CASZ1: variants seen among roughly 807,000 people sequenced by gnomAD.
The protein encoded by CASZ1 is castor zinc finger 1.
CASZ1 carries 28 observed loss-of-function variants against 135.2 expected under a neutral mutation model. That is an observed-to-expected ratio of 0.21 (90% CI 0.15 to 0.28). CASZ1 has a LOEUF of 0.28. Ranked by LOEUF, CASZ1 falls within the 10% of genes least tolerant of loss-of-function variation. The pLI is 1.00. For synonymous variants in CASZ1, 1,068 were observed against 1,073.4 expected (o/e 0.99, Z 0.10); for missense variants, 2,161 against 2,453.3 (o/e 0.88, Z 2.52).
At chr1:10,667,804 G>A (rs55957723) in intron 4 of CASZ1, among the ~76,000 whole-genome samples, 37,544 of 146,520 alleles carry the variant, frequency 0.26, 5,218 homozygotes, top group Non-Finnish European at 0.31. Context: ...CCCCCTCCCC[G>A]GGCCCCCACC....
In CASZ1 at chr1:10,665,149, C is replaced by T. The variant is rs749980460; in HGVS notation, c.439G>A (p.Glu147Lys). The stretch of plus-strand genomic sequence containing the variant: ...GCTGCCCCGTCCGAATCCTTCTCCT[C>T]CAGGGCACCGCCGTCCTTGGAGGGC... ...EEPSKDGGAL[E>K]EKDSDGAASK... The change falls in exon 5 of 21, where the codon GAG (glutamate) becomes AAG (lysine). Residue 147 changes from glutamate to lysine, a missense_variant. Physicochemically the swap from Glu to Lys is moderately conservative, Grantham distance 56 (BLOSUM62 1). Transcript: ENST00000377022. 4 of 1,537,570 alleles carry T rather than the reference C, an allele frequency of 2.6e-6. No individual in the cohort carries two copies. In the East Asian group the frequency reaches 6.8e-5, roughly 26 times the overall value.
intron 2 of CASZ1, among the ~76,000 whole-genome samples, chr1:10,746,123 C>T (rs1038193122): frequency 4.6e-5 from 7 of 152,224 alleles, no homozygotes; most frequent in East Asian, 1.9e-4. Flanking sequence ...CGAGGCAGGG[C>T]GAAGCTGAGG....
intron 5 of CASZ1, among the ~76,000 whole-genome samples, chr1:10,663,696 G>A (rs1643127661): frequency 6.6e-6 from 1 of 152,250 alleles, no homozygotes; most frequent in South Asian, 2.1e-4. Context: ...AGAGAAGGTG[G>A]CTTGGGGGCC....
intron 19 of CASZ1, 58 bp downstream of exon 19, chr1:10,643,102 G>A (rs1642259376): frequency 6.3e-7 from 1 of 1,598,436 alleles, no homozygotes; most frequent in East Asian, 2.2e-5. Context: ...GAGTGAGCGT[G>A]GGACCATGAT....
chr1:10,695,258 T>G (rs991972490), intron 3 of CASZ1, among the ~76,000 whole-genome samples: 1 of 151,876 alleles, frequency 6.6e-6, no homozygotes, highest in Non-Finnish European at 1.5e-5. Context: ...AGCGCCGGCC[T>G]GGGACACGCA....
In CASZ1 at chr1:10,776,827, T is replaced by C. The variant is rs1275692257; in HGVS notation, c.-233-15970A>G. On this transcript the variant is annotated intron_variant, in intron 1 of 20. Coordinates refer to ENST00000377022, the MANE Select transcript of CASZ1 (RefSeq NM_001079843.3). This position sits in a 1 kb window ranked among gnomAD's most constrained non-coding sequence, Gnocchi z 4.1. ...TTGGGAGGTGGCTGCTTGCCAGCGA[T>C]GGAGATGGGGCTAGAACCACCTCAC... 6.6e-6 allele frequency among the ~76,000 whole-genome samples: 1 copy of C among 152,130 alleles called. No individual in the cohort carries two copies. Among genetic ancestry groups the C allele is most frequent in the Non-Finnish European group, 1.5e-5 (1 of 67,998 alleles).
chr1:10,769,604 T>C (rs945796711), intron 1 of CASZ1, among the ~76,000 whole-genome samples: 3 of 151,902 alleles, frequency 2.0e-5, no homozygotes, highest in Admixed American at 6.5e-5. Context: ...GCAACCTCTG[T>C]TCCCCGGGTT....
In CASZ1 at chr1:10,726,673, G is replaced by A. The variant is rs961014169; in HGVS notation, c.-76-21129C>T. ...TGCCAGCTCACTACACCAGCAGATCGTTAGCATTCCTTTCCTGCAGGAGCT... is the reference window on the plus strand; with the variant it reads ...TGCCAGCTCACTACACCAGCAGATCATTAGCATTCCTTTCCTGCAGGAGCT... On this transcript the variant is annotated intron_variant, in intron 2 of 20. Coordinates refer to ENST00000377022, the MANE Select transcript of CASZ1 (RefSeq NM_001079843.3). This position sits in a 1 kb window ranked among gnomAD's most constrained non-coding sequence, Gnocchi z 5.7. Among the ~76,000 whole-genome samples, 14 of 152,232 alleles carry A rather than the reference G, an allele frequency of 9.2e-5. No homozygotes were observed. The highest frequency in any genetic ancestry group is 3.3e-4 in the Admixed American group (5 of 15,286).
At position 10,755,620 on chromosome 1, in the gene CASZ1, C is replaced by G. The variant is rs1185496668; in HGVS notation, c.-77+5081G>C. Among the ~76,000 whole-genome samples, 1 of 152,116 alleles carries G rather than the reference C, an allele frequency of 6.6e-6. No individual in the cohort carries two copies. Among genetic ancestry groups the G allele is most frequent in the South Asian group, 2.1e-4 (1 of 4,830 alleles). On this transcript the variant is annotated intron_variant, in intron 2 of 20. Transcript: ENST00000377022. The surrounding 1 kb of genome is among the most constrained non-coding windows in gnomAD (Gnocchi z 4.3). ...CGTGCATGGCGAGATGCGGGGTTTT[C>G]CTGCATCTGCTCCGAAGGCAGGGGG...
intron 2 of CASZ1, among the ~76,000 whole-genome samples, chr1:10,738,823 CA>C (rs1639853827): frequency 6.6e-6 from 1 of 150,520 alleles, no homozygotes; most frequent in Admixed American, 6.6e-5. Context: ...TATGCTAATG[CA>C]TGCAAATTAA....
intron 2 of CASZ1, among the ~76,000 whole-genome samples, chr1:10,718,318 C>T (rs760329223): frequency 7.2e-5 from 11 of 152,250 alleles, no homozygotes; most frequent in Non-Finnish European, 1.5e-4. Flanking sequence ...CAGCCCAGGC[C>T]CTGCGCCCAC....
At chr1:10,737,174 C>T (rs1033628411) in intron 2 of CASZ1, among the ~76,000 whole-genome samples, 2 of 152,232 alleles carry the variant, frequency 1.3e-5, no homozygotes, top group African/African-American at 4.8e-5. Context: ...GGCATCCGCT[C>T]CCCACCCAGC....
chr1:10,771,157 C>T (rs1481975129), intron 1 of CASZ1, among the ~76,000 whole-genome samples: 1 of 152,068 alleles, frequency 6.6e-6, no homozygotes, highest in Non-Finnish European at 1.5e-5. Context: ...CTCCATAGCG[C>T]CAAGCTGGGG....
At chr1:10,690,977 G>A (rs1638747301) in intron 4 of CASZ1, among the ~76,000 whole-genome samples, 1 of 152,058 alleles carries the variant, frequency 6.6e-6, no homozygotes, top group Non-Finnish European at 1.5e-5. Context: ...ACCTGTGTCT[G>A]AAAGCTTCCT....
Position 10,642,991 on chromosome 1 carries a change from C to T in CASZ1, c.4030G>A (p.Gly1344Ser), listed in dbSNP as rs1642255770. The change falls in exon 20 of 21, where the codon GGC (glycine) becomes AGC (serine). Residue 1344 changes from glycine to serine, a missense_variant. Gly to Ser is a moderately conservative substitution (Grantham distance 56). Coordinates refer to ENST00000377022, the MANE Select transcript of CASZ1 (RefSeq NM_001079843.3). ...TCATCTGTCTCAGCATCCATCAGGC[C>T]TGGGGGGCCCTGAAAGGACACGGGG... Reference protein sequence around the residue: ...DRVPPSQGPPGLMDAETDECM... With the variant: ...DRVPPSQGPPSLMDAETDECM... 5.0e-6 allele frequency: 8 copies of T among 1,612,566 alleles called. No homozygotes were observed. Among genetic ancestry groups the T allele is most frequent in the Non-Finnish European group, 6.8e-6 (8 of 1,179,638 alleles).
intron 2 of CASZ1, among the ~76,000 whole-genome samples, chr1:10,748,913 G>A (rs1399635820): frequency 6.6e-6 from 1 of 152,190 alleles, no homozygotes; most frequent in African/African-American, 2.4e-5. Context: ...CCCTAACATC[G>A]CCACGTCAGT....
At chr1:10,768,683 C>A (rs1042701197) in intron 1 of CASZ1, among the ~76,000 whole-genome samples, 4 of 152,204 alleles carry the variant, frequency 2.6e-5, no homozygotes, top group African/African-American at 9.6e-5. Flanking sequence ...GGAAGCAGAG[C>A]CCTGGCATCA....
intron 2 of CASZ1, among the ~76,000 whole-genome samples, chr1:10,752,778 G>A (rs1640172840): frequency 6.6e-6 from 1 of 152,264 alleles, no homozygotes; most frequent in Non-Finnish European, 1.5e-5. Context: ...GCTCACGCCT[G>A]TAATTCCAGC....
rs1210970373 is a variant in CASZ1, at chr1:10,709,792, A to G, written c.-76-4248T>C. The stretch of plus-strand genomic sequence containing the variant: ...GGATCCCATGGCATAACCAGGCAAA[A>G]CGGAAAGGTCAGAGGAAGCCCGGAA... On this transcript the variant is annotated intron_variant, in intron 2 of 20. Coordinates refer to ENST00000377022, the MANE Select transcript of CASZ1 (RefSeq NM_001079843.3). This position sits in a 1 kb window ranked among gnomAD's most constrained non-coding sequence, Gnocchi z 5.1. Among the ~76,000 whole-genome samples, 1 of 152,170 alleles carries G rather than the reference A, an allele frequency of 6.6e-6. No individual in the cohort carries two copies. Among genetic ancestry groups the G allele is most frequent in the Non-Finnish European group, 1.5e-5 (1 of 68,034 alleles).
Sources: gnomAD v4.1 joint callset for allele counts (sites outside exome capture counted in the v4.1 genomes callset) on GRCh38, gnomAD v4.1.1 for gene constraint, Gnocchi (gnomAD v3.1) non-coding constraint, MANE v1.5 for transcripts, NCBI Gene and HGNC (gene_info 2026-07-23, HGNC 2026-07-21) for gene names.